KIF13A: variants seen among roughly 807,000 people sequenced by gnomAD.
The protein encoded by KIF13A is kinesin-like protein KIF13A.
KIF13A carries 79 observed loss-of-function variants against 212.2 expected under a neutral mutation model. The ratio of observed to expected loss-of-function variants is 0.37; its 90% CI spans 0.31 to 0.45. KIF13A has a LOEUF of 0.45. Ranked by LOEUF, KIF13A falls within the 20% of genes least tolerant of loss-of-function variation. The probability of loss-of-function intolerance (pLI) is 1.00; values close to 1 mark genes in which losing one functional copy is unlikely to be tolerated. For missense variants in KIF13A, 1,901 were observed against 2,209.0 expected, an observed-to-expected ratio of 0.86 and a Z score of 2.79; for synonymous variants, 789 against 808.6, an observed-to-expected ratio of 0.98 and a Z score of 0.41.
chr6:17,774,117 C>T (rs914195607), intron 35 of KIF13A, among the ~76,000 whole-genome samples: 2 of 152,178 alleles, frequency 1.3e-5, no homozygotes, highest in Non-Finnish European at 2.9e-5. Context: ...GCATATCATA[C>T]GAGCTTACTT....
chr6:17,794,500 A>G lies in KIF13A; in HGVS notation c.3075+72T>C. 1 of 1,559,384 alleles carries G rather than the reference A, an allele frequency of 6.4e-7. No individual in the cohort carries two copies. The highest frequency in any genetic ancestry group is 8.7e-7 in the Non-Finnish European group (1 of 1,151,878). On this transcript the variant is annotated intron_variant, in intron 24 of 38. Transcript: ENST00000259711. The surrounding 1 kb of genome is among the most constrained non-coding windows in gnomAD (Gnocchi z 4.1). ...GAATAAAGATACAAATAGTTAGAAA[A>G]TCCCCAGAAACAATGTGTAAGAGTG...
At chr6:17,885,889 G>T (rs1771496516) in intron 3 of KIF13A, among the ~76,000 whole-genome samples, 1 of 152,148 alleles carries the variant, frequency 6.6e-6, no homozygotes, top group African/African-American at 2.4e-5. Context: ...TGAGGAGTGG[G>T]GGTCGGAGTG....
intron 2 of KIF13A, 121 bp downstream of exon 2, chr6:17,986,933 G>A: frequency 1.5e-6 from 1 of 649,414 alleles, no homozygotes; most frequent in Non-Finnish European, 2.8e-6. Flanking sequence ...AACAGGAGCC[G>A]GCGACAAACT....
rs968986137 is a variant in KIF13A at position 17,888,924 on chromosome 6, G to T, written c.159+9244C>A. Among the ~76,000 whole-genome samples, 1 of 151,778 alleles carries T rather than the reference G, an allele frequency of 6.6e-6. No individual in the cohort carries two copies. The highest frequency in any genetic ancestry group is 2.1e-4 in the South Asian group (1 of 4,818). Reference sequence around the variant, plus strand: ...AAATCTTATATTCTTTTTCTTTCTTGTACCAAGTCTTCTAAATCTAGCATA... The same window carrying T: ...AAATCTTATATTCTTTTTCTTTCTTTTACCAAGTCTTCTAAATCTAGCATA... On this transcript the variant is annotated intron_variant, in intron 3 of 38. Transcript: ENST00000259711. This position sits in a 1 kb window ranked among gnomAD's most constrained non-coding sequence, Gnocchi z 4.8.
chr6:17,785,466 C>A lies in KIF13A; in HGVS notation c.3488+49G>T, dbSNP rs769106145. 4.1e-6 allele frequency: 6 copies of A among 1,454,462 alleles called. No homozygotes were observed. The East Asian group carries it at 1.3e-4, about 31-fold the overall frequency. 90.1% of individuals were successfully genotyped at this position (1,454,462 alleles called of 1,614,324 possible). Reference sequence around the variant, plus strand: ...TCTCTTGCATGGCTCTTGCCACAGGCGACCTGTACCATCTCCCCAGGTCTG... The same window carrying A: ...TCTCTTGCATGGCTCTTGCCACAGGAGACCTGTACCATCTCCCCAGGTCTG... On this transcript the variant is annotated intron_variant, in intron 28 of 38. Coordinates refer to ENST00000259711, the MANE Select transcript of KIF13A (RefSeq NM_022113.6). The surrounding 1 kb of genome is among the most constrained non-coding windows in gnomAD (Gnocchi z 5.8).
At chr6:17,788,866 A>G (rs937480954) in intron 26 of KIF13A, among the ~76,000 whole-genome samples, 17 of 152,168 alleles carry the variant, frequency 1.1e-4, no homozygotes, top group Non-Finnish European at 1.5e-5. Context: ...CTGGGATTAT[A>G]GGCGCGCGCC....
At chr6:17,909,386 A>G (rs949732049) in intron 2 of KIF13A, among the ~76,000 whole-genome samples, 8 of 151,718 alleles carry the variant, frequency 5.3e-5, no homozygotes, top group African/African-American at 1.9e-4. Flanking sequence ...AAATACAAAA[A>G]TTAGCCGGGT....
chr6:17,837,662 C>T lies in KIF13A; in HGVS notation c.831-79G>A, dbSNP rs1173951125. 10 of 1,002,486 alleles carry T rather than the reference C, an allele frequency of 1.0e-5. No homozygotes were observed. The highest frequency in any genetic ancestry group is 9.7e-5 in the African/African-American group (6 of 61,934). 62.1% of individuals were successfully genotyped at this position (1,002,486 alleles called of 1,614,324 possible). ...ATAAAATATGCAGAACAATAAAGCT[C>T]CACAGTTAATACACGTTGGTGGCTC... is the stretch of plus-strand genomic sequence containing the variant. On this transcript the variant is annotated intron_variant, in intron 9 of 38. Transcript: ENST00000259711. The surrounding 1 kb of genome is among the most constrained non-coding windows in gnomAD (Gnocchi z 5.4).
chr6:17,779,746 T>TG, intron 31 of KIF13A, 62 bp from the exon 32 acceptor site: 2 of 716,162 alleles, frequency 2.8e-6, no homozygotes, highest in East Asian at 3.6e-5. Flanking sequence ...TTTTGTATTT[T>TG]TTTTTTTTTT....
chr6:17,910,212 T>C (rs1312915389), intron 2 of KIF13A, among the ~76,000 whole-genome samples: 1 of 152,270 alleles, frequency 6.6e-6, no homozygotes, highest in Non-Finnish European at 1.5e-5. Context: ...AATGTGCATT[T>C]ACTTTCTCAA....
chr6:17,945,025 C>G (rs1002160635), intron 2 of KIF13A, among the ~76,000 whole-genome samples: 1 of 152,168 alleles, frequency 6.6e-6, no homozygotes, highest in Non-Finnish European at 1.5e-5. Flanking sequence ...GTAATTCCAG[C>G]ACTTTGGGAG....
At position 17,888,075 on chromosome 6, in the gene KIF13A, G is replaced by A. The variant is rs1771716698; in HGVS notation, c.159+10093C>T. 6.6e-6 allele frequency among the ~76,000 whole-genome samples: 1 copy of A among 152,080 alleles called. No homozygotes were observed. On this transcript the variant is annotated intron_variant, in intron 3 of 38. Transcript: ENST00000259711. The surrounding 1 kb of genome is among the most constrained non-coding windows in gnomAD (Gnocchi z 4.8). ...TATCCATACTTGCAGGCCTCCTGAA[G>A]TTCCATGTTTAGCTATGAAGCCTTC...
intron 28 of KIF13A, among the ~76,000 whole-genome samples, chr6:17,784,823 T>C (rs1383092986): frequency 6.6e-6 from 1 of 152,152 alleles, no homozygotes; most frequent in Non-Finnish European, 1.5e-5. Flanking sequence ...GGTTATGAAT[T>C]ATGTGCCTGC....
chr6:17,986,913 A>C, intron 2 of KIF13A, 141 bp downstream of exon 2: 1 of 599,550 alleles, frequency 1.7e-6, no homozygotes, highest in Non-Finnish European at 3.0e-6. Context: ...TTGGACTTGC[A>C]ACAGCTTCAA....
At chr6:17,964,748 G>A (rs1011161947) in intron 2 of KIF13A, among the ~76,000 whole-genome samples, 1 of 152,074 alleles carries the variant, frequency 6.6e-6, no homozygotes, top group Non-Finnish European at 1.5e-5. Flanking sequence ...GGTCAGTAGA[G>A]CTTCACAGTT....
At chr6:17,910,279 C>T (rs1216169937) in intron 2 of KIF13A, among the ~76,000 whole-genome samples, 2 of 152,242 alleles carry the variant, frequency 1.3e-5, no homozygotes, top group African/African-American at 4.8e-5. Flanking sequence ...GAAGTACTGT[C>T]TCATTACCTG....
chr6:17,888,947 A>G lies in KIF13A; in HGVS notation c.159+9221T>C, dbSNP rs1359918568. ...TTGTACCAAGTCTTCTAAATCTAGCATATATTTTGTACTTAATCTCGAGCA... is the reference window on the plus strand; with the variant it reads ...TTGTACCAAGTCTTCTAAATCTAGCGTATATTTTGTACTTAATCTCGAGCA... On this transcript the variant is annotated intron_variant, in intron 3 of 38. Transcript: ENST00000259711. The surrounding 1 kb of genome is among the most constrained non-coding windows in gnomAD (Gnocchi z 4.8). 6.6e-6 allele frequency among the ~76,000 whole-genome samples: 1 copy of G among 152,190 alleles called. No individual in the cohort carries two copies. Among genetic ancestry groups the G allele is most frequent in the Non-Finnish European group, 1.5e-5 (1 of 68,038 alleles).
At position 17,951,336 on chromosome 6, in the gene KIF13A, G is replaced by T. The variant is rs1389519945; in HGVS notation, c.146+35718C>A. 1.6e-6 allele frequency: 1 copy of T among 634,814 alleles called. No homozygotes were observed. Among genetic ancestry groups the T allele is most frequent in the East Asian group, 3.0e-5 (1 of 33,426 alleles). 39.3% of individuals were successfully genotyped at this position (634,814 alleles called of 1,614,324 possible). On this transcript the variant is annotated intron_variant, in intron 2 of 38. Coordinates refer to ENST00000259711, the MANE Select transcript of KIF13A (RefSeq NM_022113.6). This position sits in a 1 kb window ranked among gnomAD's most constrained non-coding sequence, Gnocchi z 4.9. Reference sequence around the variant, plus strand: ...TGTAGAGATGGGGTTTTGCCATGTTGCAAAGGCTGGTCTTGAAATCCTCGG... The same window carrying T: ...TGTAGAGATGGGGTTTTGCCATGTTTCAAAGGCTGGTCTTGAAATCCTCGG...
chr6:17,885,300 G>A, intron 3 of KIF13A, among the ~76,000 whole-genome samples: 1 of 152,190 alleles, frequency 6.6e-6, no homozygotes, highest in East Asian at 1.9e-4. Flanking sequence ...GAATGCTAGA[G>A]TCATCACCCT....
Sources: allele counts gnomAD v4.1 joint callset (sites outside exome capture counted in the v4.1 genomes callset), GRCh38; gene constraint gnomAD v4.1.1; non-coding constraint Gnocchi (gnomAD v3.1); transcripts MANE v1.5; gene names NCBI Gene and HGNC (gene_info 2026-07-23, HGNC 2026-07-21).